DAB1: variants seen among roughly 807,000 people sequenced by gnomAD.
DAB1 encodes the protein DAB adaptor protein 1.
A neutral mutation model predicts 64.6 loss-of-function variants in DAB1; 15 were observed. The ratio of observed to expected loss-of-function variants is 0.23; its 90% CI spans 0.16 to 0.36. The LOEUF (loss-of-function observed/expected upper bound fraction) is 0.36, where lower values mean the gene tolerates loss of function less well. DAB1 is among the 10% of genes least tolerant of loss of function. The probability of loss-of-function intolerance (pLI) is 1.00; values close to 1 mark genes in which losing one functional copy is unlikely to be tolerated. For synonymous variants in DAB1, 235 were observed against 251.9 expected, an observed-to-expected ratio of 0.93 and a Z score of 0.64; for missense variants, 596 against 706.7, an observed-to-expected ratio of 0.84 and a Z score of 1.78.
At chr1:57,737,286 G>A (rs1179895873) in intron 6 of DAB1, among the ~76,000 whole-genome samples, 1 of 152,186 alleles carries the variant, frequency 6.6e-6, no homozygotes, top group Middle Eastern at 3.2e-3. Flanking sequence ...AGAACCATGT[G>A]GTCAGGGTGT....
At chr1:57,943,531 C>T (rs191841468) in intron 5 of DAB1, among the ~76,000 whole-genome samples, 6 of 152,198 alleles carry the variant, frequency 3.9e-5, no homozygotes, top group Admixed American at 2.6e-4. Context: ...TAAATTGGCC[C>T]GCATCATTCC....
intron 5 of DAB1, among the ~76,000 whole-genome samples, chr1:57,956,007 A>T (rs1461516458): frequency 2.6e-5 from 4 of 152,182 alleles, no homozygotes; most frequent in Admixed American, 2.6e-4. Context: ...GTTTGGCTTC[A>T]GAAACTCACC....
intron 1 of DAB1, among the ~76,000 whole-genome samples, chr1:57,356,358 G>C (rs1422340044): frequency 2.6e-5 from 4 of 152,064 alleles, no homozygotes; most frequent in Non-Finnish European, 4.4e-5. Context: ...TACTATAAGA[G>C]TAATTACAAT....
intron 3 of DAB1, among the ~76,000 whole-genome samples, chr1:58,425,253 G>C (rs988810226): frequency 1.3e-5 from 2 of 152,162 alleles, no homozygotes; most frequent in Admixed American, 1.3e-4. Context: ...TGAGCCTAAA[G>C]ATTTTCTGGA....
intron 2 of DAB1, among the ~76,000 whole-genome samples, chr1:57,248,063 AG>A (rs1179182798): frequency 6.6e-6 from 1 of 152,156 alleles, no homozygotes; most frequent in Non-Finnish European, 1.5e-5. Flanking sequence ...TACCAAAACA[AG>A]AGGATGCTCA....
At chr1:57,589,081 C>CA (rs1456338025) in intron 7 of DAB1, among the ~76,000 whole-genome samples, 1 of 152,020 alleles carries the variant, frequency 6.6e-6, no homozygotes, top group Non-Finnish European at 1.5e-5. Flanking sequence ...ACTAAAAATA[C>CA]AAAAAATTAG....
At chr1:57,906,463 C>T (rs1289137721) in intron 5 of DAB1, among the ~76,000 whole-genome samples, 1 of 152,134 alleles carries the variant, frequency 6.6e-6, no homozygotes, top group Non-Finnish European at 1.5e-5. Flanking sequence ...CTCTTAACCA[C>T]TCTGCCATAC....
At chr1:57,250,928 T>A (rs1332809593) in intron 2 of DAB1, among the ~76,000 whole-genome samples, 2 of 152,214 alleles carry the variant, frequency 1.3e-5, no homozygotes, top group Non-Finnish European at 2.9e-5. Context: ...TGAACTTACA[T>A]CTTTCTGGAA....
chr1:57,810,079 T>A (rs1651546437), intron 6 of DAB1, among the ~76,000 whole-genome samples: 1 of 152,164 alleles, frequency 6.6e-6, no homozygotes, highest in Non-Finnish European at 1.5e-5. Context: ...CAGTTGCCAC[T>A]GCCATAAGAG....
chr1:58,480,114 TG>T (rs1645458965), intron 3 of DAB1, among the ~76,000 whole-genome samples: 1 of 152,168 alleles, frequency 6.6e-6, no homozygotes, highest in Admixed American at 6.5e-5. Flanking sequence ...TGGGCACCAC[TG>T]GGGGTATGTC....
chr1:57,982,982 C>T (rs552804882), intron 5 of DAB1, among the ~76,000 whole-genome samples: 233 of 152,272 alleles, frequency 1.5e-3, no homozygotes, highest in South Asian at 3.3e-3. Flanking sequence ...AATGTGAGAC[C>T]TGAGGTCATA....
intron 7 of DAB1, among the ~76,000 whole-genome samples, chr1:57,621,145 G>A (rs1177371333): frequency 6.6e-6 from 1 of 151,554 alleles, no homozygotes; most frequent in African/African-American, 2.4e-5. Flanking sequence ...GTGTGTATTG[G>A]GGGAGACAAC....
At chr1:57,724,928 A>G (rs1012740760) in intron 6 of DAB1, among the ~76,000 whole-genome samples, 1 of 152,238 alleles carries the variant, frequency 6.6e-6, no homozygotes, top group Non-Finnish European at 1.5e-5. Flanking sequence ...CAATACACAG[A>G]TGAATGAATG....
intron 1 of DAB1, among the ~76,000 whole-genome samples, chr1:57,345,978 C>T (rs999221047): frequency 6.6e-6 from 1 of 152,190 alleles, no homozygotes; most frequent in Non-Finnish European, 1.5e-5. Context: ...AGAAACATGG[C>T]TTATGTGGAT....
intron 2 of DAB1, among the ~76,000 whole-genome samples, chr1:57,247,545 C>T (rs1271033733): frequency 2.0e-5 from 3 of 152,082 alleles, no homozygotes; most frequent in African/African-American, 7.2e-5. Flanking sequence ...AATATAAGCT[C>T]CTATATTTTG....
intron 2 of DAB1, among the ~76,000 whole-genome samples, chr1:58,519,407 C>T (rs1457378134): frequency 6.6e-6 from 1 of 151,996 alleles, no homozygotes; most frequent in Non-Finnish European, 1.5e-5. Context: ...GAGGAAAGGC[C>T]AATATATATT....
In DAB1 at chr1:57,578,677, T is replaced by C. The variant is rs940089555; in HGVS notation, n.625+70915A>G. Among the ~76,000 whole-genome samples the C allele has an allele frequency of 3.3e-5, 5 of 152,210 alleles. No individual in the cohort carries two copies. The East Asian group carries it at 9.6e-4, about 29-fold the overall frequency. ...TAAGTAAATTCCTCGTGTTTGCCAA[T>C]GGGAGGATGCATTAGAGATATAGAT... On this transcript the variant is annotated intron_variant and non_coding_transcript_variant, in intron 7 of 20. Coordinates refer to the DAB1 transcript ENST00000485760.
chr1:58,395,909 G>A (rs1569725056), intron 3 of DAB1, among the ~76,000 whole-genome samples: 2 of 152,150 alleles, frequency 1.3e-5, no homozygotes, highest in Non-Finnish European at 2.9e-5. Context: ...AAAACCAGCT[G>A]CCTTGCCTAG....
chr1:58,121,692 TTC>T (rs2100673618), intron 5 of DAB1, among the ~76,000 whole-genome samples: 1 of 152,330 alleles, frequency 6.6e-6, no homozygotes, highest in Admixed American at 6.5e-5. Context: ...TAACTTTCTG[TTC>T]TCTGTTAGTG....
Sources: gnomAD v4.1 joint callset for allele counts (sites outside exome capture counted in the v4.1 genomes callset) on GRCh38, gnomAD v4.1.1 for gene constraint, MANE v1.5 for transcripts, NCBI Gene and HGNC (gene_info 2026-07-23, HGNC 2026-07-21) for gene names.